The following CEP76 variants were observed in gnomAD, a reference collection of about 807,000 sequenced individuals.
The protein encoded by CEP76 is centrosomal protein 76.
CEP76 carries 55 observed loss-of-function variants against 83.3 expected under a neutral mutation model. The observed-to-expected ratio is 0.66, with a 90% CI of 0.53 to 0.83. The LOEUF is 0.83. Among genes scored for constraint, CEP76 ranks in the 40% least tolerant of loss-of-function variants. The pLI is 0.00. For missense variants in CEP76, 694 were observed against 799.5 expected (o/e 0.87, Z 1.59); for synonymous variants, 270 against 274.5 (o/e 0.98, Z 0.16).
downstream of CEP76, among the ~76,000 whole-genome samples, chr18:12,668,826 C>T (rs1003241653): frequency 7.3e-6 from 1 of 136,808 alleles, no homozygotes; most frequent in African/African-American, 2.7e-5. Flanking sequence ...CTGCAGCCTT[C>T]GCCTCCCGGG....
intron 12 of CEP76, among the ~76,000 whole-genome samples, chr18:12,664,544 C>G (rs543290114): frequency 6.6e-6 from 1 of 151,270 alleles, no homozygotes; most frequent in African/African-American, 2.4e-5. Context: ...AGCGAGACTC[C>G]GTCTCAAAAA....
intron 12 of CEP76, among the ~76,000 whole-genome samples, chr18:12,667,033 CCAAA>C (rs951726778): frequency 5.9e-5 from 9 of 151,296 alleles, no homozygotes; most frequent in East Asian, 1.9e-4. Flanking sequence ...ACAACAACAA[CCAAA>C]CAAAAATAAG....
chr18:12,678,343 C>G lies in CEP76; in HGVS notation c.1389G>C (p.Gln463His), dbSNP rs958174060. Residue 463 changes from glutamine to histidine, a missense_variant, in exon 10 of 12, where the codon CAG becomes CAC. Physicochemically the swap from Gln to His is conservative, Grantham distance 24. Coordinates refer to ENST00000262127, the MANE Select transcript of CEP76 (RefSeq NM_024899.4). ...YRTIGCVFNH[Q>H]MFLGNCQPSD... ...AGGGTTGACAATTTCCCAGGAACAT[C>G]TGATGGTTGAAAACACAACCAATTG... 1.9e-6 allele frequency: 3 copies of G among 1,613,994 alleles called. No homozygotes were observed. The highest frequency in any genetic ancestry group is 2.7e-5 in the African/African-American group (2 of 74,898).
chr18:12,683,550 A>C lies in CEP76; in HGVS notation c.1122+2712T>G, dbSNP rs558579486. Among the ~76,000 whole-genome samples, 247 of 152,196 alleles carry C rather than the reference A, an allele frequency of 1.6e-3. 1 individual carries two copies. Among genetic ancestry groups the C allele is most frequent in the African/African-American group, 5.6e-3 (233 of 41,536 alleles). On this transcript the variant is annotated intron_variant, in intron 8 of 11. Coordinates refer to ENST00000262127, the MANE Select transcript of CEP76 (RefSeq NM_024899.4). ...CAGATCACCTAACGTCAGGAGTTCG[A>C]GACCAGCCTAGCCAACACAGTGAAA...
downstream of CEP76, chr18:12,672,535 G>T: frequency 2.5e-6 from 1 of 404,774 alleles, no homozygotes; most frequent in Non-Finnish European, 3.3e-6. Context: ...TCACATATAT[G>T]CTGATTTTTT....
rs2039549654 is a variant in CEP76 at position 12,686,661 on chromosome 18, C to A, written c.934-211G>T. On this transcript the variant is annotated intron_variant, in intron 7 of 11. Coordinates refer to ENST00000262127, the MANE Select transcript of CEP76 (RefSeq NM_024899.4). The stretch of plus-strand genomic sequence containing the variant: ...CATTTTATAGATGAAAACTGAGGAG[C>A]TACAGCTATTATGCAACAGAGCCAG... The A allele has an allele frequency of 7.4e-6, 3 of 407,008 alleles. No homozygotes were observed. In the East Asian group the frequency reaches 1.5e-4, roughly 20 times the overall value. 25.2% of individuals were successfully genotyped at this position (407,008 alleles called of 1,614,324 possible).
chr18:12,678,366 TTGTTCGATATGGGTA>T lies in CEP76; in HGVS notation c.1351_1365del (p.Tyr451_Thr455del). On this transcript the variant is annotated inframe_deletion, in exon 10 of 12. Coordinates refer to ENST00000262127, the MANE Select transcript of CEP76 (RefSeq NM_024899.4). The stretch of plus-strand genomic sequence containing the variant: ...ATCTGATGGTTGAAAACACAACCAA[TTGTTCGATATGGGTA>T]CAGTGGTTTGGGCTGTTCAGCAACT... 6.2e-7 allele frequency: 1 copy of T among 1,614,102 alleles called. No individual in the cohort carries two copies. The highest frequency in any genetic ancestry group is 8.5e-7 in the Non-Finnish European group (1 of 1,179,986).
intron 7 of CEP76, 61 bp from the exon 8 acceptor site, chr18:12,686,511 T>C: frequency 1.7e-6 from 2 of 1,187,376 alleles, no homozygotes; most frequent in Admixed American, 4.1e-5. Context: ...TATGTTTTTT[T>C]CAAATACATT....
chr18:12,667,848 CTTTTTTTTT>C (rs36019439), downstream of CEP76, among the ~76,000 whole-genome samples: 4 of 116,712 alleles, frequency 3.4e-5, no homozygotes, highest in East Asian at 9.4e-4. Context: ...CTTTCTGATC[CTTTTTTTTT>C]TTTTTTTTTT....
intron 2 of CEP76, 187 bp from the exon 3 acceptor site, chr18:12,700,092 G>A: frequency 2.4e-6 from 1 of 418,966 alleles, no homozygotes. Context: ...GATGTAAACT[G>A]ATCACTCCTA....
intron 7 of CEP76, among the ~76,000 whole-genome samples, chr18:12,690,734 C>CTGGGATTACAGGCCTCCCCAA (rs1568025327): frequency 1.3e-5 from 2 of 152,124 alleles, no homozygotes; most frequent in African/African-American, 4.8e-5. Context: ...GGATTACAGG[C>CTGGGATTACAGGCCTCCCCAA]GTGAGCCACC....
chr18:12,683,537 C>T (rs1004921149), intron 8 of CEP76, among the ~76,000 whole-genome samples: 1 of 151,836 alleles, frequency 6.6e-6, no homozygotes, highest in African/African-American at 2.4e-5. Flanking sequence ...GATCACCTAA[C>T]GTCAGGAGTT....
intron 10 of CEP76, among the ~76,000 whole-genome samples, chr18:12,675,153 T>A (rs1352136388): frequency 6.6e-6 from 1 of 152,100 alleles, no homozygotes; most frequent in Non-Finnish European, 1.5e-5. Flanking sequence ...TCCCAGCAGT[T>A]TGGGAGGCTG....
Position 12,691,343 on chromosome 18 carries a change from A to G in CEP76, c.933+16T>C. 1 of 1,521,640 alleles carries G rather than the reference A, an allele frequency of 6.6e-7. No homozygotes were observed. The highest frequency in any genetic ancestry group is 8.9e-7 in the Non-Finnish European group (1 of 1,128,040). The allele number at this position is 1,521,640 out of a possible 1,614,324, so 94.3% of individuals were successfully genotyped here. On this transcript the variant is annotated intron_variant, in intron 7 of 11. Transcript: ENST00000262127. The stretch of plus-strand genomic sequence containing the variant: ...TCAAATACAGGCATAAAATTATTCT[A>G]ATATAATTTACAAACCTGTGCAAAA...
intron 7 of CEP76, among the ~76,000 whole-genome samples, chr18:12,690,014 CCT>C (rs1486191692): frequency 1.3e-5 from 2 of 152,202 alleles, no homozygotes; most frequent in Non-Finnish European, 2.9e-5. Flanking sequence ...GTCTCAAACC[CCT>C]GACCTCAGAG....
intron 4 of CEP76, 83 bp downstream of exon 4, chr18:12,698,896 C>T (rs2040053991): frequency 4.0e-6 from 4 of 1,005,532 alleles, no homozygotes; most frequent in Non-Finnish European, 5.8e-6. Flanking sequence ...TCTCTCCTTA[C>T]AGAAAAAGTC....
intron 11 of CEP76, 91 bp downstream of exon 11, chr18:12,674,445 A>C: frequency 1.3e-6 from 1 of 754,138 alleles, no homozygotes; most frequent in East Asian, 3.2e-5. Context: ...TTGAGTTAAA[A>C]AAAAAAAAAA....
At position 12,672,867 on chromosome 18, in the gene CEP76, A is replaced by G. The variant is rs2038982687; in HGVS notation, c.*498T>C. 4.1e-6 allele frequency: 4 copies of G among 985,476 alleles called. No homozygotes were observed. Among genetic ancestry groups the G allele is most frequent in the Non-Finnish European group, 4.8e-6 (4 of 829,826 alleles). 61.0% of individuals were successfully genotyped at this position (985,476 alleles called of 1,614,324 possible). ...GTCTCAAATATCCCAAGGACCACGA[A>G]TAAACCACAAAAGTGGTAATTCATT... On this transcript the variant is annotated 3_prime_UTR_variant, in exon 12 of 12. Coordinates refer to ENST00000262127, the MANE Select transcript of CEP76 (RefSeq NM_024899.4).
At position 12,678,257 on chromosome 18, in the gene CEP76, C is replaced by T. The variant is rs998906335; in HGVS notation, c.1475G>A (p.Ser492Asn). ...ACACACAGATTTAATTGCTTCCTCA[C>T]TCATGGGTTTCCATTTGGATTCATC... The part of the protein sequence containing the change: ...LNDESKWKPM[S>N]EEAIKSVCAP... Residue 492 changes from serine to asparagine, a missense_variant, in exon 10 of 12, where the codon AGT becomes AAT. Physicochemically the swap from Ser to Asn is conservative, Grantham distance 46 (BLOSUM62 1). Coordinates refer to ENST00000262127, the MANE Select transcript of CEP76 (RefSeq NM_024899.4). 2.5e-6 allele frequency: 4 copies of T among 1,614,028 alleles called. No homozygotes were observed. Among genetic ancestry groups the T allele is most frequent in the African/African-American group, 2.7e-5 (2 of 74,904 alleles).
Sources: allele counts gnomAD v4.1 joint callset (sites outside exome capture counted in the v4.1 genomes callset), GRCh38; gene constraint gnomAD v4.1.1; transcripts MANE v1.5; gene names NCBI Gene and HGNC (gene_info 2026-07-23, HGNC 2026-07-21).